The following ANKRD24 variants were observed in gnomAD, a reference collection of about 807,000 sequenced individuals.
The protein encoded by ANKRD24 is ankyrin repeat domain 24.
Under a neutral mutation model 127.8 loss-of-function variants are expected in ANKRD24, and 109 were observed. The observed-to-expected ratio is 0.85, with a 90% CI of 0.73 to 1.00. The LOEUF (loss-of-function observed/expected upper bound fraction) is 1.00. Among genes scored for constraint, ANKRD24 ranks in the 50% least tolerant of loss-of-function variants. The pLI is 0.00. For missense variants in ANKRD24, 1,648 were observed against 1,570.2 expected (o/e 1.05, Z -0.84); for synonymous variants, 743 against 671.1 (o/e 1.11, Z -1.66).
At chr19:4,221,855 A>G (rs925050194) in intron 19 of ANKRD24, among the ~76,000 whole-genome samples, 1 of 152,150 alleles carries the variant, frequency 6.6e-6, no homozygotes, top group Non-Finnish European at 1.5e-5. Flanking sequence ...CCATCTGGGC[A>G]TTGTAGGGGA....
In ANKRD24 at chr19:4,199,852, G is replaced by A. The variant is rs745995569; in HGVS notation, c.124-23G>A. On this transcript the variant is annotated intron_variant, in intron 3 of 21. Transcript: ENST00000318934. The surrounding 1 kb of genome is among the most constrained non-coding windows in gnomAD (Gnocchi z 5.2). Reference sequence around the variant, plus strand: ...GGGACAGCAGCCAACACTGCCCCACGCACTTCTGGGCGTGCCCTGCAGAGT... The same window carrying A: ...GGGACAGCAGCCAACACTGCCCCACACACTTCTGGGCGTGCCCTGCAGAGT... 7.1e-6 allele frequency: 11 copies of A among 1,554,882 alleles called. No homozygotes were observed. The highest frequency in any genetic ancestry group is 6.8e-5 in the African/African-American group (5 of 73,294).
intron 20 of ANKRD24, among the ~76,000 whole-genome samples, chr19:4,223,387 A>ATTT: frequency 1.2e-5 from 1 of 80,986 alleles, no homozygotes; most frequent in African/African-American, 6.6e-5. Context: ...ATATATATAT[A>ATTT]TATATATATA....
At chr19:4,188,650 G>A (rs1968203700) in intron 2 of ANKRD24, among the ~76,000 whole-genome samples, 1 of 152,162 alleles carries the variant, frequency 6.6e-6, no homozygotes, top group African/African-American at 2.4e-5. Flanking sequence ...AGAGTGATGG[G>A]ATTACAGGCG....
chr19:4,201,625 G>A (rs1363816360), intron 5 of ANKRD24, among the ~76,000 whole-genome samples: 1 of 152,070 alleles, frequency 6.6e-6, no homozygotes, highest in East Asian at 1.9e-4. Flanking sequence ...GCTCATGTCT[G>A]TTAATTCCAG....
At position 4,210,024 on chromosome 19, in the gene ANKRD24, G is replaced by A. The variant is rs369504947; in HGVS notation, c.871-34G>A. 128 of 1,409,338 alleles carry A rather than the reference G, an allele frequency of 9.1e-5. No homozygotes were observed. The African/African-American group carries it at 1.1e-3, about 13-fold the overall frequency. The allele number at this position is 1,409,338 out of a possible 1,614,324, so 87.3% of individuals were successfully genotyped here. ...GGGAGGCTGGCATGGCCCCCCGATC[G>A]GCCCCCTTCACTCTCTCTCCCCTCC... On this transcript the variant is annotated intron_variant, in intron 11 of 21. Coordinates refer to ENST00000318934, the MANE Select transcript of ANKRD24 (RefSeq NM_001393985.1).
chr19:4,223,037 C>G (rs1360850256), intron 20 of ANKRD24, among the ~76,000 whole-genome samples: 1 of 151,862 alleles, frequency 6.6e-6, no homozygotes, highest in Non-Finnish European at 1.5e-5. Flanking sequence ...CCTCCACCTT[C>G]CGGGTTTAAG....
intron 5 of ANKRD24, among the ~76,000 whole-genome samples, chr19:4,201,388 C>T (rs1969086831): frequency 6.6e-6 from 1 of 152,058 alleles, no homozygotes; most frequent in African/African-American, 2.4e-5. Context: ...AGAACATATA[C>T]AGCAACTGTG....
chr19:4,199,790 G>A lies in ANKRD24; in HGVS notation c.123+21G>A. 1 of 1,530,638 alleles carries A rather than the reference G, an allele frequency of 6.5e-7. No individual in the cohort carries two copies. The highest frequency in any genetic ancestry group is 1.2e-5 in the South Asian group (1 of 83,320). The allele number at this position is 1,530,638 out of a possible 1,614,324, so 94.8% of individuals were successfully genotyped here. A position where few individuals can be genotyped will look rare whatever the true frequency, so the allele number is the denominator to read the frequency against. ...GCCAGGCAAGTGCCCAGGGGCAGGT[G>A]GTGAGAGCCCGGAGCCCCTGTCGGG... On this transcript the variant is annotated intron_variant, in intron 3 of 21. Transcript: ENST00000318934. The surrounding 1 kb of genome is among the most constrained non-coding windows in gnomAD (Gnocchi z 5.2).
At chr19:4,186,347 G>A (rs1968061009) in intron 1 of ANKRD24, 43 bp from the exon 2 acceptor site, 14 of 1,550,918 alleles carry the variant, frequency 9.0e-6, no homozygotes, top group Non-Finnish European at 1.2e-5. Flanking sequence ...CCGCCCACCA[G>A]GACTGGTGTC....
At position 4,198,149 on chromosome 19, in the gene ANKRD24, G is replaced by A. The variant is rs1318740492; in HGVS notation, c.37-1534G>A. ...CGCGGGTCCCCTGGAGATGCAGCCG[G>A]CGGCCTGCGCTGGTGAGGGAGCCGG... On this transcript the variant is annotated intron_variant, in intron 2 of 21. Transcript: ENST00000318934. This position sits in a 1 kb window ranked among gnomAD's most constrained non-coding sequence, Gnocchi z 6.1. 1.9e-6 allele frequency: 1 copy of A among 535,458 alleles called. No individual in the cohort carries two copies. The highest frequency in any genetic ancestry group is 3.3e-6 in the Non-Finnish European group (1 of 303,300). 33.2% of individuals were successfully genotyped at this position (535,458 alleles called of 1,614,324 possible).
chr19:4,216,690 G>C lies in ANKRD24; in HGVS notation c.1530G>C (p.Leu510=). ...RRQHAEALQA[L]RQQETREVPR... ...AGCACGCTGAGGCCCTGCAGGCCCT[G>C]AGGCAGCAGGAGACACGAGAGGTCC... Residue 510 remains leucine, a synonymous_variant, in exon 18 of 22, where the codon CTG becomes CTC. Coordinates refer to ENST00000318934, the MANE Select transcript of ANKRD24 (RefSeq NM_001393985.1). 1.3e-6 allele frequency: 2 copies of C among 1,585,694 alleles called. No individual in the cohort carries two copies. The highest frequency in any genetic ancestry group is 1.7e-6 in the Non-Finnish European group (2 of 1,166,428).
chr19:4,213,005 C>T (rs1360960596), intron 15 of ANKRD24, among the ~76,000 whole-genome samples: 1 of 152,132 alleles, frequency 6.6e-6, no homozygotes, highest in East Asian at 1.9e-4. Context: ...GTGGTGCGCG[C>T]CTGTAGTCCC....
At position 4,224,648 on chromosome 19, in the gene ANKRD24, C is replaced by G. The variant is rs142062787; in HGVS notation, c.*143C>G. ...TTGGAGACCAGCCTGGTTCCCTGCC[C>G]GACCACCCCCAGCTGGCTCCATCAC... On this transcript the variant is annotated 3_prime_UTR_variant, in exon 22 of 22. Coordinates refer to ENST00000318934, the MANE Select transcript of ANKRD24 (RefSeq NM_001393985.1). The G allele has an allele frequency of 2.6e-6, 2 of 762,092 alleles. No homozygotes were observed. Among genetic ancestry groups the G allele is most frequent in the Admixed American group, 2.2e-5 (1 of 45,152 alleles). The allele number at this position is 762,092 out of a possible 1,614,324, so 47.2% of individuals were successfully genotyped here. A position where few individuals can be genotyped will look rare whatever the true frequency, so the allele number is the denominator to read the frequency against.
chr19:4,207,085 CTTTTTTTTT>C (rs34475477), intron 7 of ANKRD24, 148 bp from the exon 8 acceptor site: 2 of 430,204 alleles, frequency 4.6e-6, no homozygotes, highest in South Asian at 2.5e-5. Context: ...ATAATGTTTG[CTTTTTTTTT>C]TTTTTTTTTG....
intron 2 of ANKRD24, among the ~76,000 whole-genome samples, chr19:4,188,378 A>ACT (rs1968186701): frequency 1.2e-5 from 1 of 83,596 alleles, no homozygotes; most frequent in Non-Finnish European, 2.3e-5. Flanking sequence ...CGCTTGGTCC[A>ACT]TTTTTTTTTT....
chr19:4,204,632 C>T (rs1171034568), intron 7 of ANKRD24, among the ~76,000 whole-genome samples: 2 of 152,184 alleles, frequency 1.3e-5, no homozygotes, highest in African/African-American at 4.8e-5. Context: ...AGAACTCAGC[C>T]CCCGACCTGT....
chr19:4,219,538 A>G, intron 18 of ANKRD24, 53 bp from the exon 19 acceptor site: 1 of 1,542,448 alleles, frequency 6.5e-7, no homozygotes, highest in Non-Finnish European at 8.8e-7. Flanking sequence ...TCTGGGGTCT[A>G]GCATCATTGG....
At chr19:4,186,702 C>T (rs912526109) in intron 2 of ANKRD24, among the ~76,000 whole-genome samples, 1 of 152,142 alleles carries the variant, frequency 6.6e-6, no homozygotes, top group Admixed American at 6.6e-5. Flanking sequence ...ACCAATCAGA[C>T]CCTCCTAATT....
chr19:4,184,439 C>T (rs184182116), intron 1 of ANKRD24, among the ~76,000 whole-genome samples: 1 of 152,350 alleles, frequency 6.6e-6, no homozygotes, highest in East Asian at 1.9e-4. Context: ...CCCAGGTACC[C>T]TGACACACAC....
Sources: allele counts gnomAD v4.1 joint callset (sites outside exome capture counted in the v4.1 genomes callset), GRCh38; gene constraint gnomAD v4.1.1; non-coding constraint Gnocchi (gnomAD v3.1); transcripts MANE v1.5; gene names NCBI Gene and HGNC (gene_info 2026-07-23, HGNC 2026-07-21).